TGIF1: variants seen among roughly 807,000 people sequenced by gnomAD.
The protein encoded by TGIF1 is homeobox protein TGIF1.
In TGIF1, 4 loss-of-function variants were observed where a neutral mutation model predicts 19.3. The observed-to-expected ratio is 0.21, with a 90% CI of 0.10 to 0.47. The LOEUF (loss-of-function observed/expected upper bound fraction) is 0.47. Ranked by LOEUF, TGIF1 falls within the 20% of genes least tolerant of loss-of-function variation. TGIF1 has a pLI of 0.98. For synonymous variants in TGIF1, 122 were observed against 129.3 expected (o/e 0.94, Z 0.38); for missense variants, 275 against 341.4 (o/e 0.81, Z 1.53).
intron 2 of TGIF1, among the ~76,000 whole-genome samples, chr18:3,438,596 AACACACAC>A (rs56864804): frequency 2.2e-5 from 3 of 136,002 alleles, no homozygotes; most frequent in Admixed American, 7.9e-5. Flanking sequence ...CATACACACA[AACACACAC>A]ACACACACAC....
intron 1 of TGIF1, chr18:3,415,447 T>C: frequency 2.0e-6 from 1 of 495,534 alleles, no homozygotes; most frequent in African/African-American, 1.9e-5. Flanking sequence ...GGATCCAAAA[T>C]TAAACCACAT....
At position 3,456,667 on chromosome 18, in the gene TGIF1, C is replaced by G. The variant is rs1376806669; in HGVS notation, c.243+87C>G. 1.7e-6 allele frequency: 2 copies of G among 1,171,048 alleles called. No individual in the cohort carries two copies. Among genetic ancestry groups the G allele is most frequent in the African/African-American group, 1.5e-5 (1 of 66,318 alleles). The allele number at this position is 1,171,048 out of a possible 1,614,324, so 72.5% of individuals were successfully genotyped here. A position where few individuals can be genotyped will look rare whatever the true frequency, so the allele number is the denominator to read the frequency against. On this transcript the variant is annotated intron_variant, in intron 2 of 2. Transcript: ENST00000343820. The surrounding 1 kb of genome is among the most constrained non-coding windows in gnomAD (Gnocchi z 4.2). ...TTCCTGTGTGTCAAGTCATTAAGCT[C>G]CTTGCCACTCAAAGACAGAAGGAAT...
chr18:3,414,873 T>A (rs2082311274), intron 1 of TGIF1, among the ~76,000 whole-genome samples: 1 of 151,984 alleles, frequency 6.6e-6, no homozygotes, highest in Non-Finnish European at 1.5e-5. Context: ...AAGAGACCTC[T>A]CCTCCCCATG....
At chr18:3,430,831 G>T (rs533901587) in intron 2 of TGIF1, among the ~76,000 whole-genome samples, 1 of 152,114 alleles carries the variant, frequency 6.6e-6, no homozygotes, top group Non-Finnish European at 1.5e-5. Flanking sequence ...GTCTAATGCA[G>T]TAAATATAAT....
intron 1 of TGIF1, chr18:3,452,151 G>A: frequency 1.2e-6 from 2 of 1,613,768 alleles, no homozygotes; most frequent in South Asian, 1.1e-5. Context: ...CGGCACTTTG[G>A]CCTACCTTCC....
In TGIF1 at chr18:3,450,328, G is replaced by A. The variant is rs2082864593; in HGVS notation, c.-162G>A. The A allele has an allele frequency of 1.4e-6, 2 of 1,457,888 alleles. No individual in the cohort carries two copies. The highest frequency in any genetic ancestry group is 1.8e-6 in the Non-Finnish European group (2 of 1,102,870). 90.3% of individuals were successfully genotyped at this position (1,457,888 alleles called of 1,614,324 possible). A position where few individuals can be genotyped will look rare whatever the true frequency, so the allele number is the denominator to read the frequency against. On this transcript the variant is annotated 5_prime_UTR_variant, in exon 1 of 3. Transcript: ENST00000343820. ...CACTTGAATTCCACCCAAGGAGCGG[G>A]CGCCTGGGATCAGAGCGTCCTGTTT...
chr18:3,452,370 G>C (rs201233231), intron 1 of TGIF1: 14 of 1,613,202 alleles, frequency 8.7e-6, no homozygotes, highest in African/African-American at 1.3e-5. Flanking sequence ...CCGACTCCTG[G>C]AAACAATGAA....
At chr18:3,431,399 G>T (rs572117926) in intron 2 of TGIF1, among the ~76,000 whole-genome samples, 10 of 152,170 alleles carry the variant, frequency 6.6e-5, no homozygotes, top group African/African-American at 2.2e-4. Flanking sequence ...TTGTGCCATT[G>T]CACTCCAGTC....
intron 2 of TGIF1, among the ~76,000 whole-genome samples, chr18:3,426,732 C>T (rs547731846): frequency 6.6e-6 from 1 of 152,242 alleles, no homozygotes; most frequent in African/African-American, 2.4e-5. Flanking sequence ...ATAAGAATCA[C>T]ACTTTTAGGA....
intron 1 of TGIF1, among the ~76,000 whole-genome samples, chr18:3,454,095 T>G (rs1408041403): frequency 6.6e-6 from 1 of 152,230 alleles, no homozygotes; most frequent in Non-Finnish European, 1.5e-5. Context: ...CTTCAGCTTT[T>G]GTGCACATAT....
At position 3,450,619 on chromosome 18, in the gene TGIF1, C is replaced by A. The variant is rs1472652314; in HGVS notation, c.16+114C>A. The A allele has an allele frequency of 9.1e-6, 14 of 1,538,376 alleles. No individual in the cohort carries two copies. In the South Asian group the frequency reaches 1.7e-4, roughly 18 times the overall value. ...ACTTTTCCGCCCAGGGGCTCTCATG[C>A]TGGAGTGGCGGCCGTGCTCTTTGTT... On this transcript the variant is annotated intron_variant, in intron 1 of 2. Transcript: ENST00000343820.
At chr18:3,444,054 C>A (rs1204445898) in intron 2 of TGIF1, among the ~76,000 whole-genome samples, 1 of 151,664 alleles carries the variant, frequency 6.6e-6, no homozygotes. Flanking sequence ...CCTGCCTCAG[C>A]CTACCGAGCA....
intron 2 of TGIF1, among the ~76,000 whole-genome samples, chr18:3,425,072 T>C (rs1261841262): frequency 1.3e-5 from 2 of 152,244 alleles, no homozygotes; most frequent in African/African-American, 2.4e-5. Flanking sequence ...CTACTACTTA[T>C]GATGTCTAAA....
At chr18:3,440,377 A>G (rs1306988101) in intron 2 of TGIF1, among the ~76,000 whole-genome samples, 2 of 152,172 alleles carry the variant, frequency 1.3e-5, no homozygotes, top group Non-Finnish European at 2.9e-5. Context: ...AATTACCTGC[A>G]TTAGGATTAA....
chr18:3,419,070 A>G (rs963918449), intron 2 of TGIF1, among the ~76,000 whole-genome samples: 1 of 152,194 alleles, frequency 6.6e-6, no homozygotes, highest in Non-Finnish European at 1.5e-5. Context: ...AAAAAAATTT[A>G]AAAATAAATA....
intron 1 of TGIF1, among the ~76,000 whole-genome samples, chr18:3,452,784 A>G (rs1164186502): frequency 6.6e-6 from 1 of 152,200 alleles, no homozygotes; most frequent in African/African-American, 2.4e-5. Flanking sequence ...GTCTTGTCTT[A>G]TAAAAGTCTG....
chr18:3,452,246 A>G (rs1483775294), intron 1 of TGIF1: 2 of 1,608,314 alleles, frequency 1.2e-6, no homozygotes, highest in Non-Finnish European at 1.7e-6. Flanking sequence ...CGCGCTGCCC[A>G]CAGCCGCGTG....
At chr18:3,442,409 T>C (rs1194918222) in intron 2 of TGIF1, among the ~76,000 whole-genome samples, 1 of 149,078 alleles carries the variant, frequency 6.7e-6, no homozygotes, top group African/African-American at 2.6e-5. Context: ...AGTCCAATGA[T>C]TTTTTTTTAA....
intron 2 of TGIF1, among the ~76,000 whole-genome samples, chr18:3,437,686 A>G (rs985790842): frequency 1.3e-5 from 2 of 152,216 alleles, no homozygotes; most frequent in African/African-American, 4.8e-5. Context: ...TGGTGGTTCA[A>G]AGAGATGCTT....
Sources: gnomAD v4.1 joint callset for allele counts (sites outside exome capture counted in the v4.1 genomes callset) on GRCh38, gnomAD v4.1.1 for gene constraint, Gnocchi (gnomAD v3.1) non-coding constraint, MANE v1.5 for transcripts, NCBI Gene and HGNC (gene_info 2026-07-23, HGNC 2026-07-21) for gene names.